ETV7: variants seen among roughly 807,000 people sequenced by gnomAD.
The protein encoded by ETV7 is transcription factor ETV7.
A neutral mutation model predicts 39.1 loss-of-function variants in ETV7; 43 were observed. That is an observed-to-expected ratio of 1.10 (90% CI 0.86 to 1.42). ETV7 has a LOEUF of 1.42. ETV7 is among the 40% of genes most tolerant of loss of function. ETV7 has a pLI of 0.00. For synonymous variants in ETV7, 196 were observed against 176.6 expected (o/e 1.11, Z -0.87); for missense variants, 432 against 442.3 (o/e 0.98, Z 0.21).
downstream of ETV7, among the ~76,000 whole-genome samples, chr6:36,363,327 G>C (rs955405933): frequency 1.3e-5 from 2 of 151,880 alleles, no homozygotes; most frequent in Non-Finnish European, 1.5e-5. Context: ...GCAGACCTTC[G>C]CGGTGAGTGT....
At chr6:36,373,234 T>C (rs1773123530) in intron 4 of ETV7, among the ~76,000 whole-genome samples, 1 of 146,610 alleles carries the variant, frequency 6.8e-6, no homozygotes, top group African/African-American at 2.5e-5. Context: ...AACAACTCTT[T>C]GCTGGAGAGA....
intron 7 of ETV7, among the ~76,000 whole-genome samples, chr6:36,361,104 G>A (rs114890878): frequency 1.3e-5 from 2 of 152,082 alleles, no homozygotes; most frequent in African/African-American, 4.8e-5. Context: ...AAAAGGATTC[G>A]GGACTTTAAA....
chr6:36,387,617 C>T lies in ETV7; in HGVS notation c.-76G>A. 2 of 1,561,028 alleles carry T rather than the reference C, an allele frequency of 1.3e-6. No individual in the cohort carries two copies. Among genetic ancestry groups the T allele is most frequent in the Non-Finnish European group, 1.8e-6 (2 of 1,137,566 alleles). On this transcript the variant is annotated 5_prime_UTR_variant, in exon 1 of 8. Coordinates refer to ENST00000340181, the MANE Select transcript of ETV7 (RefSeq NM_016135.4). ...GGCTGTGGCTGCTGGGGCCCTAGGC[C>T]CGCGCCCCGCAGTCCTCCTCCGCCA...
intron 7 of ETV7, among the ~76,000 whole-genome samples, chr6:36,356,802 C>T (rs1772354504): frequency 6.6e-6 from 1 of 152,196 alleles, no homozygotes; most frequent in Non-Finnish European, 1.5e-5. Flanking sequence ...GCTGGGCTGA[C>T]ACCTGCATTA....
chr6:36,375,188 T>C (rs114496738), intron 3 of ETV7, among the ~76,000 whole-genome samples: 168 of 152,226 alleles, frequency 1.1e-3, no homozygotes, highest in African/African-American at 3.9e-3. Flanking sequence ...TGGGCTTGCT[T>C]GGCCAAAAGA....
rs10947603 is a variant in ETV7 at position 36,376,515 on chromosome 6, T to A, written c.143-480A>T. Among the ~76,000 whole-genome samples, 6 of 152,164 alleles carry A rather than the reference T, an allele frequency of 3.9e-5. No homozygotes were observed. In the South Asian group the frequency reaches 1.0e-3, roughly 26 times the overall value. On this transcript the variant is annotated intron_variant, in intron 2 of 7. Transcript: ENST00000340181. The stretch of plus-strand genomic sequence containing the variant: ...GTTACTGGCCAGGCGCGGTGGCTCA[T>A]GCCTGTAATCTCAGCATTTTGGGAG...
At chr6:36,374,526 C>T (rs1030679830) in intron 3 of ETV7, among the ~76,000 whole-genome samples, 1 of 152,144 alleles carries the variant, frequency 6.6e-6, no homozygotes, top group East Asian at 1.9e-4. Flanking sequence ...AGTGGGCACT[C>T]GAGGACCAGG....
At chr6:36,383,908 C>T (rs1040894202) in intron 2 of ETV7, among the ~76,000 whole-genome samples, 1 of 152,226 alleles carries the variant, frequency 6.6e-6, no homozygotes, top group African/African-American at 2.4e-5. Flanking sequence ...CTGAAGGCTG[C>T]CGAATGCCCC....
At position 36,379,560 on chromosome 6, in the gene ETV7, AAAGAAGAAG is replaced by A. The variant is rs145420270; in HGVS notation, c.143-3534_143-3526del. On this transcript the variant is annotated intron_variant, in intron 2 of 7. Coordinates refer to ENST00000340181, the MANE Select transcript of ETV7 (RefSeq NM_016135.4). ...GGGACCCTGTCTCTTAAAAAAAAAA[AAAGAAGAAG>A]AAGAAGAAGAAGAAGAAAAAGAAGA... is the stretch of plus-strand genomic sequence containing the variant. Among the ~76,000 whole-genome samples, 51 of 143,848 alleles carry A rather than the reference AAAGAAGAAG, an allele frequency of 3.5e-4. 1 individual carries two copies. Among genetic ancestry groups the A allele is most frequent in the Admixed American group, 2.8e-4 (4 of 14,296 alleles). 94.4% of individuals were successfully genotyped at this position (143,848 alleles called of 152,430 possible). A position where few individuals can be genotyped will look rare whatever the true frequency, so the allele number is the denominator to read the frequency against.
chr6:36,356,918 C>T lies in ETV7; in HGVS notation c.909-2231G>A, dbSNP rs533549034. Among the ~76,000 whole-genome samples, 57 of 152,274 alleles carry T rather than the reference C, an allele frequency of 3.7e-4. No individual in the cohort carries two copies. In the South Asian group the frequency reaches 9.1e-3, roughly 24 times the overall value. ...AAATTTGCGGGACCCCATCACCACCCGTGAAAACATCATCACAGGTTAATT... is the reference window on the plus strand; with the variant it reads ...AAATTTGCGGGACCCCATCACCACCTGTGAAAACATCATCACAGGTTAATT... On this transcript the variant is annotated intron_variant, in intron 7 of 7. Transcript: ENST00000339796.
chr6:36,354,628 T>G, exon 8 of ETV7: 1 of 696,042 alleles, frequency 1.4e-6, no homozygotes, highest in East Asian at 2.7e-5. Context: ...CAAGACTGTT[T>G]TGGCTATTTG....
chr6:36,385,333 C>T (rs1406190003), intron 2 of ETV7, among the ~76,000 whole-genome samples: 1 of 151,980 alleles, frequency 6.6e-6, no homozygotes, highest in Non-Finnish European at 1.5e-5. Flanking sequence ...TAAAATTAGC[C>T]AGTGTGCCTG....
chr6:36,373,646 C>T (rs1773158935), intron 3 of ETV7, 68 bp from the exon 4 acceptor site: 1 of 1,462,760 alleles, frequency 6.8e-7, no homozygotes, highest in East Asian at 2.9e-5. Flanking sequence ...CCTCATCCCC[C>T]TGCAGCCACC....
chr6:36,386,482 T>C (rs759453062), intron 1 of ETV7, among the ~76,000 whole-genome samples: 1 of 151,954 alleles, frequency 6.6e-6, no homozygotes. Flanking sequence ...GATGAGAAAA[T>C]GAAGAAAGTG....
intron 7 of ETV7, among the ~76,000 whole-genome samples, chr6:36,356,602 C>T (rs1246506158): frequency 6.6e-6 from 1 of 152,140 alleles, no homozygotes; most frequent in East Asian, 1.9e-4. Flanking sequence ...CAGGGAAGGA[C>T]CCTGATTGGC....
Position 36,368,964 on chromosome 6 carries a change from G to A in ETV7, c.772C>T (p.Pro258Ser). 1 of 1,614,132 alleles carries A rather than the reference G, an allele frequency of 6.2e-7. No homozygotes were observed. The highest frequency in any genetic ancestry group is 8.5e-7 in the Non-Finnish European group (1 of 1,180,028). ...CCCCAGAGTCTGGCGAGCCCATTTG[G>A]ATCCACAACTCGGAAGATCTTGGCG... is the stretch of plus-strand genomic sequence containing the variant. ...KDAKIFRVVD[P>S]NGLARLWGNH... Residue 258 changes from proline (P) to serine (S), a missense_variant, in exon 6 of 8, where the codon CCA (proline) becomes TCA (serine). Coordinates refer to ENST00000340181, the MANE Select transcript of ETV7 (RefSeq NM_016135.4).
chr6:36,360,361 TAA>T (rs773442053), intron 7 of ETV7, among the ~76,000 whole-genome samples: 1 of 152,092 alleles, frequency 6.6e-6, no homozygotes, highest in Non-Finnish European at 1.5e-5. Context: ...TTATTCCCAA[TAA>T]AGAGAATGGG....
At chr6:36,374,085 C>T (rs59733212) in intron 3 of ETV7, among the ~76,000 whole-genome samples, 4,019 of 152,176 alleles carry the variant, frequency 0.026, 154 homozygotes, top group African/African-American at 0.086. Context: ...AAGCCAGGTG[C>T]GGTGGCTCAC....
At chr6:36,365,754 A>G (rs1331465204), downstream of ETV7, among the ~76,000 whole-genome samples, 1 of 152,220 alleles carries the variant, frequency 6.6e-6, no homozygotes, top group Admixed American at 6.5e-5. Flanking sequence ...GGTTGTGGAG[A>G]GGCGGGCCAG....
Sources: gnomAD v4.1 joint callset for allele counts (sites outside exome capture counted in the v4.1 genomes callset) on GRCh38, gnomAD v4.1.1 for gene constraint, MANE v1.5 for transcripts, NCBI Gene and HGNC (gene_info 2026-07-23, HGNC 2026-07-21) for gene names.